Variants in ARIH2 observed in about 807,000 individuals in gnomAD.
ARIH2 encodes ariadne RBR E3 ubiquitin protein ligase 2.
A neutral mutation model predicts 79.8 loss-of-function variants in ARIH2; 12 were observed. The ratio of observed to expected loss-of-function variants is 0.15; its 90% CI spans 0.10 to 0.24. The LOEUF (loss-of-function observed/expected upper bound fraction) is 0.24, where lower values mean the gene tolerates loss of function less well. Among genes scored for constraint, ARIH2 ranks in the 10% least tolerant of loss-of-function variants. ARIH2 has a pLI of 1.00. For missense variants in ARIH2, 301 were observed against 618.3 expected, an observed-to-expected ratio of 0.49 and a Z score of 5.44; for synonymous variants, 224 against 213.9, an observed-to-expected ratio of 1.05 and a Z score of -0.41.
chr3:48,932,929 A>G (rs1025540550), intron 3 of ARIH2, among the ~76,000 whole-genome samples: 2 of 152,130 alleles, frequency 1.3e-5, no homozygotes, highest in South Asian at 2.1e-4. Context: ...CCACAGGGCA[A>G]TGGGCATGGG....
chr3:48,927,742 A>T lies in ARIH2; in HGVS notation c.184A>T (p.Thr62Ser), dbSNP rs200385612. Residue 62 changes from threonine (T) to serine (S), a missense_variant, in exon 3 of 16, where the codon ACT becomes TCT. Around this residue, in one of 2 missense-constraint regions of ARIH2, gnomAD observed 223 missense variants for 349.4 expected, o/e 0.64. Coordinates refer to ENST00000356401, the MANE Select transcript of ARIH2 (RefSeq NM_006321.4). ...DAFDPEEYQF[T>S]CLTYKESEGA... Reference sequence around the variant, plus strand: ...CTTTGATCCCGAGGAGTACCAGTTCACTTGCTTGACCTACAAGGAATCTGA... The same window carrying T: ...CTTTGATCCCGAGGAGTACCAGTTCTCTTGCTTGACCTACAAGGAATCTGA... 18 of 1,614,114 alleles carry T rather than the reference A, an allele frequency of 1.1e-5. No individual in the cohort carries two copies. Among genetic ancestry groups the T allele is most frequent in the Non-Finnish European group, 1.4e-5 (16 of 1,180,048 alleles).
At position 48,985,945 on chromosome 3, in the gene ARIH2, G is replaced by A. The variant is rs184530401; in HGVS notation, c.*2675G>A. ...ATGGCAGGGTGAACTCCAGCTTCAC[G>A]GGAGCCCTAAGGGTTATGAAGAGAC... On this transcript the variant is annotated 3_prime_UTR_variant, in exon 16 of 16. Transcript: ENST00000356401. The A allele has an allele frequency of 2.6e-5, 4 of 152,342 alleles. No individual in the cohort carries two copies. Among genetic ancestry groups the A allele is most frequent in the South Asian group, 2.1e-4 (1 of 4,824 alleles). 9.4% of individuals were successfully genotyped at this position (152,342 alleles called of 1,614,324 possible). A position where few individuals can be genotyped will look rare whatever the true frequency, so the allele number is the denominator to read the frequency against.
At chr3:48,941,701 T>C (rs1243384171) in intron 3 of ARIH2, among the ~76,000 whole-genome samples, 1 of 150,438 alleles carries the variant, frequency 6.6e-6, no homozygotes, top group Non-Finnish European at 1.5e-5. Context: ...CACGCCATTC[T>C]CCTGCCTCAG....
In ARIH2 at chr3:48,985,512, C is replaced by T. The variant is rs1414071794; in HGVS notation, c.*2242C>T. ...TGCTCAAAGTTGAGTGGTTTATTCA[C>T]AATAAACTGTAAGTTTCTGATTATA... On this transcript the variant is annotated 3_prime_UTR_variant, in exon 16 of 16. Coordinates refer to ENST00000356401, the MANE Select transcript of ARIH2 (RefSeq NM_006321.4). 3 of 152,174 alleles carry T rather than the reference C, an allele frequency of 2.0e-5. No homozygotes were observed. The highest frequency in any genetic ancestry group is 7.2e-5 in the African/African-American group (3 of 41,430). The allele number at this position is 152,174 out of a possible 1,614,324, so 9.4% of individuals were successfully genotyped here.
Position 48,954,121 on chromosome 3 carries a change from A to G in ARIH2, c.256-7491A>G, listed in dbSNP as rs184602992. 3.0e-3 allele frequency among the ~76,000 whole-genome samples: 452 copies of G among 151,474 alleles called. 5 individuals carry two copies. The highest frequency in any genetic ancestry group is 0.01 in the African/African-American group (427 of 41,246). ...GGTTGCAGTGAACCAAGATCGCGCC[A>G]TTGCATTCCAGCGTGGGGACAGGAG... is the stretch of plus-strand genomic sequence containing the variant. On this transcript the variant is annotated intron_variant, in intron 3 of 15. Transcript: ENST00000356401.
At chr3:48,971,751 C>T (rs1457576559) in intron 8 of ARIH2, among the ~76,000 whole-genome samples, 2 of 152,172 alleles carry the variant, frequency 1.3e-5, no homozygotes, top group African/African-American at 4.8e-5. Context: ...TTAAGAATCA[C>T]TAATGCAGTG....
chr3:48,956,358 C>T (rs572097202), intron 3 of ARIH2, among the ~76,000 whole-genome samples: 2 of 148,818 alleles, frequency 1.3e-5, no homozygotes, highest in African/African-American at 5.0e-5. Context: ...AGGCTGGTCT[C>T]GAACTCCTGA....
At chr3:48,940,424 A>G (rs1406939437) in intron 3 of ARIH2, among the ~76,000 whole-genome samples, 5 of 151,896 alleles carry the variant, frequency 3.3e-5, no homozygotes, top group African/African-American at 9.7e-5. Flanking sequence ...CCAAGTCTGG[A>G]TGCGGTGGCT....
Position 48,985,460 on chromosome 3 carries a change from G to A in ARIH2, c.*2190G>A, listed in dbSNP as rs942486180. 3 of 152,200 alleles carry A rather than the reference G, an allele frequency of 2.0e-5. No homozygotes were observed. Among genetic ancestry groups the A allele is most frequent in the African/African-American group, 4.8e-5 (2 of 41,456 alleles). The allele number at this position is 152,200 out of a possible 1,614,324, so 9.4% of individuals were successfully genotyped here. A position where few individuals can be genotyped will look rare whatever the true frequency, so the allele number is the denominator to read the frequency against. Reference sequence around the variant, plus strand: ...CCATATATCTTTGTTTTTCTTCAACGAAAAAGTTAATTGAGGCAATGTCAT... The same window carrying A: ...CCATATATCTTTGTTTTTCTTCAACAAAAAAGTTAATTGAGGCAATGTCAT... On this transcript the variant is annotated 3_prime_UTR_variant, in exon 16 of 16. Transcript: ENST00000356401.
At chr3:48,967,942 C>A (rs950359624) in intron 6 of ARIH2, 2 of 151,846 alleles carry the variant, frequency 1.3e-5, no homozygotes, top group African/African-American at 4.8e-5. Context: ...TTCTTTTATG[C>A]AACTTGGATT....
At chr3:48,945,879 G>A (rs1367458761) in intron 3 of ARIH2, among the ~76,000 whole-genome samples, 1 of 152,134 alleles carries the variant, frequency 6.6e-6, no homozygotes, top group Non-Finnish European at 1.5e-5. Flanking sequence ...AAACCCACAA[G>A]CAAATTGCTA....
At chr3:48,942,351 A>G (rs2088428809) in intron 3 of ARIH2, among the ~76,000 whole-genome samples, 1 of 152,114 alleles carries the variant, frequency 6.6e-6, no homozygotes, top group Non-Finnish European at 1.5e-5. Flanking sequence ...ACGTCCAGCC[A>G]AGCCTCAACT....
Position 48,970,714 on chromosome 3 carries a change from A to G in ARIH2, c.770+10A>G. 6.2e-7 allele frequency: 1 copy of G among 1,605,660 alleles called. No individual in the cohort carries two copies. The highest frequency in any genetic ancestry group is 8.5e-7 in the Non-Finnish European group (1 of 1,172,426). On this transcript the variant is annotated intron_variant, in intron 8 of 15. Transcript: ENST00000356401. ...GCAACGAGGTCTTCTGGTAAGAGTG[A>G]GTGTGAGTGCTGAGCAGCCCTGGGC...
intron 3 of ARIH2, among the ~76,000 whole-genome samples, chr3:48,954,383 G>T (rs2090344211): frequency 6.6e-6 from 1 of 151,830 alleles, no homozygotes; most frequent in Non-Finnish European, 1.5e-5. Context: ...CTTGCAGTGA[G>T]CCAGGATCGC....
At chr3:48,948,469 G>A (rs1435825512) in intron 3 of ARIH2, among the ~76,000 whole-genome samples, 1 of 151,460 alleles carries the variant, frequency 6.6e-6, no homozygotes, top group Non-Finnish European at 1.5e-5. Flanking sequence ...TATATTTTTA[G>A]TAGAGATGGA....
At chr3:48,937,538 C>T (rs2087330517) in intron 3 of ARIH2, among the ~76,000 whole-genome samples, 1 of 152,098 alleles carries the variant, frequency 6.6e-6, no homozygotes, top group Admixed American at 6.6e-5. Context: ...AGATAGAGGT[C>T]CATATTTTTT....
chr3:48,946,796 TGG>T (rs2089214142), intron 3 of ARIH2, among the ~76,000 whole-genome samples: 3 of 152,104 alleles, frequency 2.0e-5, no homozygotes, highest in Non-Finnish European at 2.9e-5. Context: ...GGGCTGCGCT[TGG>T]TCTCTGCTCA....
At chr3:48,973,926 T>C (rs2092376606) in intron 9 of ARIH2, 110 bp downstream of exon 9, 2 of 771,824 alleles carry the variant, frequency 2.6e-6, no homozygotes, top group Non-Finnish European at 4.3e-6. Context: ...CCAGGACCCT[T>C]CCTGAGGACT....
At chr3:48,981,588 T>C in intron 13 of ARIH2, 72 bp from the exon 14 acceptor site, 1 of 1,340,864 alleles carries the variant, frequency 7.5e-7, no homozygotes, top group Non-Finnish European at 1.1e-6. Context: ...GGGTAGGAAT[T>C]GTAAGAGCCA....
Sources: gnomAD v4.1 joint callset for allele counts (sites outside exome capture counted in the v4.1 genomes callset) on GRCh38, gnomAD v4.1.1 for gene constraint, gnomAD v4.1.1 regional missense constraint, MANE v1.5 for transcripts, NCBI Gene and HGNC (gene_info 2026-07-23, HGNC 2026-07-21) for gene names.